GLRA2: variants seen among roughly 807,000 people sequenced by gnomAD.
GLRA2 encodes the protein glycine receptor alpha 2, also known as glycine receptor subunit alpha-2.
A neutral mutation model predicts 31.6 loss-of-function variants in GLRA2; 11 were observed. The observed-to-expected ratio is 0.35, with a 90% CI of 0.22 to 0.58. GLRA2 has a LOEUF of 0.58. Among genes scored for constraint, GLRA2 ranks in the 20% least tolerant of loss-of-function variants. The pLI is 0.84. For missense variants in GLRA2, 212 were observed against 351.8 expected (o/e 0.60, Z 3.18); for synonymous variants, 132 against 134.0 (o/e 0.99, Z 0.10).
At chrX:14,684,509 G>A (rs1485020481) in intron 7 of GLRA2, among the ~76,000 whole-genome samples, 1 of 111,346 alleles carries the variant, frequency 9.0e-6, no homozygotes, top group East Asian at 2.8e-4. Flanking sequence ...GTGGTTTGTA[G>A]TTCTCCTTGA....
At chrX:14,708,798 C>T (rs2091668616) in intron 8 of GLRA2, among the ~76,000 whole-genome samples, 2 of 111,329 alleles carry the variant, frequency 1.8e-5, no homozygotes, top group South Asian at 3.8e-4. Flanking sequence ...TAGCCGGGCA[C>T]GGTGGCTCAT....
intron 7 of GLRA2, among the ~76,000 whole-genome samples, chrX:14,650,947 C>T (rs992771154): frequency 2.4e-4 from 27 of 111,507 alleles, no homozygotes; most frequent in Non-Finnish European, 4.9e-4. Context: ...AAAGAATATC[C>T]CTTTGTGAAT....
intron 7 of GLRA2, among the ~76,000 whole-genome samples, chrX:14,631,559 T>G (rs1166646920): frequency 9.0e-6 from 1 of 110,671 alleles, no homozygotes; most frequent in Non-Finnish European, 1.9e-5. Context: ...GATTTTTTTT[T>G]GTCTTGCTCT....
chrX:14,726,300 T>C (rs1266638620), intron 8 of GLRA2, among the ~76,000 whole-genome samples: 2 of 112,281 alleles, frequency 1.8e-5, no homozygotes, highest in African/African-American at 6.5e-5. Context: ...AGTTATGTTT[T>C]CAGAATCAAA....
intron 4 of GLRA2, among the ~76,000 whole-genome samples, chrX:14,601,009 TTTTG>T (rs1366066369): frequency 9.2e-5 from 10 of 108,412 alleles, no homozygotes; most frequent in Non-Finnish European, 1.5e-4. Context: ...TTGTTTTTTT[TTTTG>T]TTTGTTTGTT....
At chrX:14,489,365 T>C in the GLRA2 span, among the ~76,000 whole-genome samples, 1 of 111,584 alleles carries the variant, frequency 9.0e-6, no homozygotes, top group Non-Finnish European at 1.9e-5. Flanking sequence ...CTATTATTGT[T>C]GTGGGACTTT....
At chrX:14,572,295 A>C (rs867303791) in intron 2 of GLRA2, among the ~76,000 whole-genome samples, 24 of 112,338 alleles carry the variant, frequency 2.1e-4, no homozygotes, top group African/African-American at 7.1e-4. Flanking sequence ...TATGCTTTTA[A>C]ATGACATTTC....
intron 2 of GLRA2, among the ~76,000 whole-genome samples, chrX:14,538,572 G>A (rs942734191): frequency 3.7e-4 from 41 of 111,094 alleles, no homozygotes; most frequent in African/African-American, 1.0e-3. Context: ...AACCTGAAAC[G>A]GCTATTTCAT....
the GLRA2 span, among the ~76,000 whole-genome samples, chrX:14,512,891 C>G: frequency 9.0e-6 from 1 of 111,116 alleles, no homozygotes; most frequent in African/African-American, 3.3e-5. Flanking sequence ...CACCATCATT[C>G]TCAGAACAGA....
chrX:14,692,759 A>G (rs1382256575), intron 8 of GLRA2, among the ~76,000 whole-genome samples: 1 of 112,003 alleles, frequency 8.9e-6, no homozygotes, highest in Non-Finnish European at 1.9e-5. Context: ...TTGCTTCCCA[A>G]TTCTAAATAG....
chrX:14,704,201 T>G (rs2091587205), intron 8 of GLRA2, among the ~76,000 whole-genome samples: 1 of 112,528 alleles, frequency 8.9e-6, no homozygotes, highest in African/African-American at 3.2e-5. Flanking sequence ...TCTGTGCTGC[T>G]GAGCTTCTAA....
the GLRA2 span, among the ~76,000 whole-genome samples, chrX:14,501,185 A>G: frequency 2.7e-5 from 3 of 111,108 alleles, no homozygotes. Flanking sequence ...CACAGTAATG[A>G]TCTATCACTC....
At chrX:14,625,732 AT>A (rs776111938) in intron 7 of GLRA2, among the ~76,000 whole-genome samples, 1 of 111,785 alleles carries the variant, frequency 8.9e-6, no homozygotes, top group East Asian at 2.8e-4. Flanking sequence ...AGACATCAAC[AT>A]TTTTTAAAGC....
chrX:14,703,894 A>G (rs1435343115), intron 8 of GLRA2, among the ~76,000 whole-genome samples: 2 of 111,668 alleles, frequency 1.8e-5, no homozygotes, highest in Non-Finnish European at 3.8e-5. Flanking sequence ...TCCTTGTCCT[A>G]CACTTCCCCA....
At chrX:14,536,152 C>T (rs1207900518) in intron 2 of GLRA2, among the ~76,000 whole-genome samples, 2 of 112,021 alleles carry the variant, frequency 1.8e-5, no homozygotes, top group Admixed American at 9.5e-5. Flanking sequence ...TTAAAACCTA[C>T]ATTTGCCTGA....
the GLRA2 span, among the ~76,000 whole-genome samples, chrX:14,513,710 A>G: frequency 8.9e-6 from 1 of 111,837 alleles, no homozygotes; most frequent in Non-Finnish European, 1.9e-5. Context: ...CAAAAACACA[A>G]TGCAATACCA....
intron 2 of GLRA2, among the ~76,000 whole-genome samples, chrX:14,571,821 G>A (rs1434863911): frequency 5.4e-5 from 6 of 111,494 alleles, no homozygotes; most frequent in Non-Finnish European, 1.1e-4. Flanking sequence ...ATTAAGAAAG[G>A]TACAAACCAA....
the GLRA2 span, among the ~76,000 whole-genome samples, chrX:14,450,041 G>T: frequency 1.8e-5 from 2 of 111,854 alleles, no homozygotes; most frequent in African/African-American, 6.5e-5. Flanking sequence ...GGAGCAGAAG[G>T]CTTGGGACAA....
rs774027276 is a variant in GLRA2, at chrX:14,729,682, G to A, written c.1081-525G>A. Among the ~76,000 whole-genome samples the A allele has an allele frequency of 7.2e-5, 8 of 111,005 alleles. No individual in the cohort carries two copies. In the South Asian group the frequency reaches 3.1e-3, roughly 43 times the overall value. On this transcript the variant is annotated intron_variant, in intron 8 of 8. Coordinates refer to ENST00000218075, the MANE Select transcript of GLRA2 (RefSeq NM_002063.4). ...AGGGGGAACAGGTATATATATAAGG[G>A]GCTCACCTTAGATGTAACATCAACA...
Sources: gnomAD v4.1 joint callset for allele counts (sites outside exome capture counted in the v4.1 genomes callset) on GRCh38, gnomAD v4.1.1 for gene constraint, MANE v1.5 for transcripts, NCBI Gene and HGNC (gene_info 2026-07-23, HGNC 2026-07-21) for gene names.